Variants in ZKSCAN7 observed in about 807,000 individuals in gnomAD.
ZKSCAN7 encodes zinc finger with KRAB and SCAN domains 7.
ZKSCAN7 carries 38 observed loss-of-function variants against 65.3 expected under a neutral mutation model. The observed-to-expected ratio is 0.58, with a 90% confidence interval of 0.45 to 0.76. The LOEUF (loss-of-function observed/expected upper bound fraction) is 0.76. Ranked by LOEUF, ZKSCAN7 falls within the 30% of genes least tolerant of loss-of-function variation. The pLI, the probability that ZKSCAN7 is intolerant of heterozygous loss-of-function variation, is 0.00. For missense variants in ZKSCAN7, 815 were observed against 913.3 expected (o/e 0.89, Z 1.39); for synonymous variants, 321 against 321.0 (o/e 1.00, Z 0.00).
chr3:44,568,670 CAG>C lies in ZKSCAN7; in HGVS notation c.811+242_811+243del, dbSNP rs1194538324. On this transcript the variant is annotated intron_variant, in intron 5 of 5. Coordinates refer to ENST00000426540, the MANE Select transcript of ZKSCAN7 (RefSeq NM_001288590.2). ...GGTAGGGCTTCTTAGTTGTAAGGAA[CAG>C]AGAGCCACTCAAGTTATTGTAAGTA... is the stretch of plus-strand genomic sequence containing the variant. Among the ~76,000 whole-genome samples the C allele has an allele frequency of 6.6e-5, 10 of 152,288 alleles. No individual in the cohort carries two copies. In the East Asian group the frequency reaches 9.7e-4, roughly 15 times the overall value.
In ZKSCAN7 at chr3:44,570,889, A is replaced by G. The variant is rs1380817155; in HGVS notation, c.1779A>G (p.Gln593=). Residue 593 remains glutamine (Q), a synonymous_variant, in exon 6 of 6, where the codon CAA becomes CAG. Coordinates refer to ENST00000426540, the MANE Select transcript of ZKSCAN7 (RefSeq NM_001288590.2). ...ECGKAFNQNS[Q]LIEHERIHTG... ...GGAAAGCCTTCAATCAGAACTCTCA[A>G]CTCATTGAGCATGAGCGAATTCATA... 1.9e-6 allele frequency: 3 copies of G among 1,613,656 alleles called. No homozygotes were observed. The Admixed American group carries it at 5.0e-5, about 27-fold the overall frequency.
chr3:44,572,846 T>G (rs1699844236), downstream of ZKSCAN7, among the ~76,000 whole-genome samples: 1 of 48,334 alleles, frequency 2.1e-5, no homozygotes, highest in Admixed American at 2.0e-4. Flanking sequence ...CGAGACTCTG[T>G]CTCAAAAAAA....
chr3:44,573,505 C>A (rs1699863626), downstream of ZKSCAN7, among the ~76,000 whole-genome samples: 1 of 152,194 alleles, frequency 6.6e-6, no homozygotes. Flanking sequence ...CCTGAAAACA[C>A]TGAACCCAGG....
At chr3:44,575,235 C>G (rs549172870), downstream of ZKSCAN7, among the ~76,000 whole-genome samples, 1 of 152,286 alleles carries the variant, frequency 6.6e-6, no homozygotes, top group Admixed American at 6.5e-5. Flanking sequence ...GGCCATGGCT[C>G]CAGTGAGCTA....
intron 5 of ZKSCAN7, chr3:44,579,983 G>GC (rs1194173568): frequency 2.8e-5 from 44 of 1,573,680 alleles, no homozygotes; most frequent in Admixed American, 5.0e-5. Context: ...CTTGGGGGGG[G>GC]GCTTCATTGG....
chr3:44,580,636 G>A lies in ZKSCAN7; in HGVS notation c.812-2336G>A, dbSNP rs530439830. ...CTGACGATCTCCTTGGTCTCCGCCC[G>A]GATGAAATGCTCCTTCTCAGGCGTC... On this transcript the variant is annotated intron_variant, in intron 5 of 5. Transcript: ENST00000341840. The A allele has an allele frequency of 1.7e-4, 271 of 1,613,912 alleles. 1 individual carries two copies. In the Admixed American group the frequency reaches 2.0e-3, roughly 12 times the overall value.
Position 44,555,225 on chromosome 3 carries a change from G to C in ZKSCAN7, c.-375G>C, listed in dbSNP as rs952037956. On this transcript the variant is annotated 5_prime_UTR_variant, in exon 1 of 6. Transcript: ENST00000426540. ...GCTCGGCCATTGTTTTTGGTCTAAC[G>C]GGCAGTAGAGTGTCCGGCTTCGGTG... The C allele has an allele frequency of 6.6e-6, 1 of 152,238 alleles. No homozygotes were observed. 9.4% of individuals were successfully genotyped at this position (152,238 alleles called of 1,614,324 possible).
downstream of ZKSCAN7, among the ~76,000 whole-genome samples, chr3:44,576,442 GT>G (rs767123060): frequency 2.5e-4 from 37 of 148,258 alleles, no homozygotes; most frequent in East Asian, 5.3e-3. Context: ...TTTCCCTTCA[GT>G]TTTTTTTTTA....
chr3:44,566,813 T>G (rs1232524604), intron 3 of ZKSCAN7, among the ~76,000 whole-genome samples: 2 of 151,572 alleles, frequency 1.3e-5, no homozygotes, highest in Non-Finnish European at 2.9e-5. Context: ...TTTTTTTAAC[T>G]TTTTATAGAA....
Position 44,570,136 on chromosome 3 carries a change from A to T in ZKSCAN7, c.1026A>T (p.Thr342=). The T allele has an allele frequency of 6.2e-7, 1 of 1,614,118 alleles. No homozygotes were observed. Among genetic ancestry groups the T allele is most frequent in the East Asian group, 2.2e-5 (1 of 44,888 alleles). The part of the protein sequence containing the change: ...SRLENDFLEI[T]DEDKKKSTKD... The stretch of plus-strand genomic sequence containing the variant: ...TAGAAAATGATTTCTTGGAAATAAC[A>T]GATGAAGATAAGAAAAAATCCACAA... Residue 342 remains threonine (T), a synonymous_variant, in exon 6 of 6, where the codon ACA becomes ACT. Coordinates refer to ENST00000426540, the MANE Select transcript of ZKSCAN7 (RefSeq NM_001288590.2).
chr3:44,581,368 G>A, intron 5 of ZKSCAN7, among the ~76,000 whole-genome samples: 1 of 151,868 alleles, frequency 6.6e-6, no homozygotes, highest in African/African-American at 2.4e-5. Flanking sequence ...TCAGCGCCCC[G>A]CGGCCGCTGC....
chr3:44,579,970 G>T, intron 5 of ZKSCAN7: 2 of 1,489,914 alleles, frequency 1.3e-6, no homozygotes, highest in South Asian at 1.2e-5. Context: ...TCTGGGAGAG[G>T]AGCTTGGGGG....
downstream of ZKSCAN7, among the ~76,000 whole-genome samples, chr3:44,572,478 C>T (rs1699834999): frequency 1.3e-5 from 2 of 151,762 alleles, no homozygotes; most frequent in African/African-American, 4.8e-5. Context: ...TCATATCCCA[C>T]TGGTACGGAC....
At chr3:44,561,392 TTG>T (rs1402810520) in intron 2 of ZKSCAN7, among the ~76,000 whole-genome samples, 3 of 152,152 alleles carry the variant, frequency 2.0e-5, no homozygotes, top group African/African-American at 7.2e-5. Flanking sequence ...CTCCAATTCG[TTG>T]TGAGATTTGG....
Position 44,571,029 on chromosome 3 carries a change from G to A in ZKSCAN7, c.1919G>A (p.Cys640Tyr). The A allele has an allele frequency of 6.2e-7, 1 of 1,614,242 alleles. No homozygotes were observed. The highest frequency in any genetic ancestry group is 8.5e-7 in the Non-Finnish European group (1 of 1,180,042). The change falls in exon 6 of 6, where the codon TGT becomes TAT. Residue 640 changes from cysteine (C) to tyrosine (Y), a missense_variant. Physicochemically the swap from Cys to Tyr is radical, Grantham distance 194. Transcript: ENST00000426540. ...TGEKPYKCNE[C>Y]GKSFNQNSHL... ...GAAAAGCCCTATAAATGCAATGAGT[G>A]TGGAAAATCCTTCAATCAAAACTCA... is the stretch of plus-strand genomic sequence containing the variant.
rs371308975 is a variant in ZKSCAN7, at chr3:44,570,726, T to A, written c.1616T>A (p.Ile539Asn). The stretch of plus-strand genomic sequence containing the variant: ...GCATTCTGTTCCAATAGAAATCTCA[T>A]TGACCATCAGAGAATCCACACTGGG... The part of the protein sequence containing the change: ...GRAFCSNRNL[I>N]DHQRIHTGEK... Residue 539 changes from isoleucine (I) to asparagine (N), a missense_variant, in exon 6 of 6, where the codon ATT becomes AAT. Around this residue, in one of 3 missense-constraint regions of ZKSCAN7, gnomAD observed 578 missense variants for 629.5 expected, o/e 0.92. Transcript: ENST00000426540. 1.2e-6 allele frequency: 2 copies of A among 1,614,150 alleles called. No individual in the cohort carries two copies. The highest frequency in any genetic ancestry group is 1.7e-6 in the Non-Finnish European group (2 of 1,180,026).
downstream of ZKSCAN7, among the ~76,000 whole-genome samples, chr3:44,573,401 A>G (rs1433394592): frequency 6.6e-6 from 1 of 152,202 alleles, no homozygotes; most frequent in Non-Finnish European, 1.5e-5. Flanking sequence ...ATGTTTTAAC[A>G]TAGAAGAAAG....
At chr3:44,580,136 C>T (rs1700034400) in intron 5 of ZKSCAN7, 3 of 1,611,206 alleles carry the variant, frequency 1.9e-6, no homozygotes, top group Non-Finnish European at 2.5e-6. Flanking sequence ...TCACCTGGGA[C>T]CTCCTGTGGT....
intron 2 of ZKSCAN7, among the ~76,000 whole-genome samples, chr3:44,559,937 C>G (rs1699417011): frequency 6.6e-6 from 1 of 152,230 alleles, no homozygotes; most frequent in African/African-American, 2.4e-5. Context: ...ATGGCAATGA[C>G]AGGTGGCTGA....
Sources: allele counts gnomAD v4.1 joint callset (sites outside exome capture counted in the v4.1 genomes callset), GRCh38; gene constraint gnomAD v4.1.1; regional missense constraint gnomAD v4.1.1; transcripts MANE v1.5; gene names NCBI Gene and HGNC (gene_info 2026-07-23, HGNC 2026-07-21).